Variants in WWOX observed in about 807,000 individuals in gnomAD.
WWOX encodes WW domain containing oxidoreductase.
A neutral mutation model predicts 46.2 loss-of-function variants in WWOX; 69 were observed. The observed-to-expected ratio is 1.49, with a 90% CI of 1.23 to 1.82. WWOX has a LOEUF of 1.82. WWOX is among the 40% of genes most tolerant of loss of function. The pLI is 0.00. For missense variants in WWOX, 919 were observed against 542.6 expected (o/e 1.69, Z -6.89); for synonymous variants, 359 against 202.6 (o/e 1.77, Z -6.56).
chr16:79,000,875 T>G (rs2151361701), intron 8 of WWOX, among the ~76,000 whole-genome samples: 1 of 152,200 alleles, frequency 6.6e-6, no homozygotes, highest in South Asian at 2.1e-4. Flanking sequence ...ATTGCCATGG[T>G]TTGTCATGTT....
At chr16:78,412,218 A>T (rs1478927930) in intron 6 of WWOX, among the ~76,000 whole-genome samples, 1 of 152,196 alleles carries the variant, frequency 6.6e-6, no homozygotes, top group Non-Finnish European at 1.5e-5. Flanking sequence ...TGTTTTCCTA[A>T]GTATTTGTAA....
At chr16:78,884,082 C>T (rs1271788481) in intron 8 of WWOX, among the ~76,000 whole-genome samples, 2 of 151,806 alleles carry the variant, frequency 1.3e-5, no homozygotes, top group East Asian at 1.9e-4. Context: ...AGTTCAAGAC[C>T]AGCTGGGCCA....
chr16:78,886,298 A>G (rs922994895), intron 8 of WWOX, among the ~76,000 whole-genome samples: 26 of 150,654 alleles, frequency 1.7e-4, no homozygotes, highest in African/African-American at 6.3e-4. Flanking sequence ...AAAAAAAAGC[A>G]TTTACTTTTT....
At chr16:78,761,245 C>T (rs758066692) in intron 8 of WWOX, among the ~76,000 whole-genome samples, 1 of 152,056 alleles carries the variant, frequency 6.6e-6, no homozygotes, top group Non-Finnish European at 1.5e-5. Context: ...TTGTAGTAGA[C>T]CATAAGCAAA....
intron 8 of WWOX, among the ~76,000 whole-genome samples, chr16:78,679,603 T>C (rs556511198): frequency 6.6e-6 from 1 of 152,248 alleles, no homozygotes; most frequent in African/African-American, 2.4e-5. Flanking sequence ...CAGGCTTTTC[T>C]CCCCACCTCT....
intron 8 of WWOX, among the ~76,000 whole-genome samples, chr16:78,480,902 C>A (rs138513200): frequency 6.6e-6 from 1 of 152,192 alleles, no homozygotes; most frequent in Non-Finnish European, 1.5e-5. Flanking sequence ...AAGAGACTTA[C>A]AAACATTTGT....
chr16:78,182,982 A>G (rs2035581154), intron 5 of WWOX, among the ~76,000 whole-genome samples: 1 of 151,642 alleles, frequency 6.6e-6, no homozygotes, highest in African/African-American at 2.4e-5. Flanking sequence ...GAAAGAAAGC[A>G]AAGGTTTTTT....
Position 78,432,472 on chromosome 16 carries a change from A to C in WWOX, c.792-16A>C. The C allele has an allele frequency of 6.2e-7, 1 of 1,602,898 alleles. No individual in the cohort carries two copies. Among genetic ancestry groups the C allele is most frequent in the Non-Finnish European group, 8.5e-7 (1 of 1,174,232 alleles). On this transcript the variant is annotated splice_polypyrimidine_tract_variant and intron_variant, in intron 7 of 8. Transcript: ENST00000566780. ...TCAGAACTTGGTTGCTTCATGTCAT[A>C]TTTCCTATTTTTAAGATTTACAGAT...
rs771445250 is a variant in WWOX, at chr16:78,115,171, G to A, written c.409+17G>A. ...CAGGAATAGGTAGGCTCTTCACTTA[G>A]TTATTTATCTTTGGGACTGCTATAA... On this transcript the variant is annotated intron_variant, in intron 4 of 8. Coordinates refer to ENST00000566780, the MANE Select transcript of WWOX (RefSeq NM_016373.4). The A allele has an allele frequency of 2.4e-5, 38 of 1,613,984 alleles. No individual in the cohort carries two copies. The highest frequency in any genetic ancestry group is 2.9e-5 in the Non-Finnish European group (34 of 1,179,978).
intron 8 of WWOX, among the ~76,000 whole-genome samples, chr16:79,098,254 G>T (rs146257408): frequency 6.6e-6 from 1 of 152,340 alleles, no homozygotes; most frequent in African/African-American, 2.4e-5. Context: ...CAGAGGCACA[G>T]TCACATTTGG....
At chr16:78,964,973 T>C (rs868774557) in intron 8 of WWOX, among the ~76,000 whole-genome samples, 3 of 152,188 alleles carry the variant, frequency 2.0e-5, no homozygotes, top group Non-Finnish European at 2.9e-5. Flanking sequence ...AAGTCAAGAA[T>C]TGGGGTTTGG....
At chr16:78,156,474 T>A (rs1405366009) in intron 4 of WWOX, among the ~76,000 whole-genome samples, 1 of 152,178 alleles carries the variant, frequency 6.6e-6, no homozygotes, top group Non-Finnish European at 1.5e-5. Context: ...CAGCCTGGAT[T>A]GTTTTAAAAT....
intron 8 of WWOX, among the ~76,000 whole-genome samples, chr16:78,988,336 C>G (rs898352355): frequency 6.5e-5 from 9 of 137,830 alleles, no homozygotes; most frequent in African/African-American, 2.2e-4. Context: ...AAGAGCAAAA[C>G]TCTGTCTCAA....
intron 5 of WWOX, among the ~76,000 whole-genome samples, chr16:78,286,942 T>C (rs1221834277): frequency 6.6e-6 from 1 of 152,220 alleles, no homozygotes; most frequent in African/African-American, 2.4e-5. Flanking sequence ...TCTTTTCTGT[T>C]TTTAGTTAGA....
chr16:79,125,237 A>G (rs919826896), intron 8 of WWOX, among the ~76,000 whole-genome samples: 3 of 152,148 alleles, frequency 2.0e-5, no homozygotes, highest in Non-Finnish European at 2.9e-5. Context: ...CAGGCCAAGA[A>G]TTCGATTGGC....
chr16:79,206,765 A>C (rs532562387), intron 8 of WWOX: 78 of 152,320 alleles, frequency 5.1e-4, no homozygotes, highest in African/African-American at 1.9e-3. Flanking sequence ...TAGAAGTATC[A>C]CGGTGGAAGA....
At chr16:78,973,233 G>A (rs1341919701) in intron 8 of WWOX, among the ~76,000 whole-genome samples, 1 of 152,184 alleles carries the variant, frequency 6.6e-6, no homozygotes, top group Non-Finnish European at 1.5e-5. Context: ...CGGAGCTTGT[G>A]TTGATGGAAT....
At chr16:79,157,058 T>C (rs2050395561) in intron 8 of WWOX, among the ~76,000 whole-genome samples, 1 of 152,232 alleles carries the variant, frequency 6.6e-6, no homozygotes, top group South Asian at 2.1e-4. Flanking sequence ...TTTAGACATT[T>C]TGTTTGTACT....
rs898873694 is a variant in WWOX at position 78,783,959 on chromosome 16, A to G, written c.1056+351207A>G. ...GATGCTGGTGCTGTTGGTGATGGTG[A>G]TGCTGGTGATGATGATAATGATAGT... On this transcript the variant is annotated intron_variant, in intron 8 of 8. Transcript: ENST00000566780. Among the ~76,000 whole-genome samples, 5 of 151,752 alleles carry G rather than the reference A, an allele frequency of 3.3e-5. No homozygotes were observed. The East Asian group carries it at 5.8e-4, about 18-fold the overall frequency.
Sources: gnomAD v4.1 joint callset for allele counts (sites outside exome capture counted in the v4.1 genomes callset) on GRCh38, gnomAD v4.1.1 for gene constraint, MANE v1.5 for transcripts, NCBI Gene and HGNC (gene_info 2026-07-23, HGNC 2026-07-21) for gene names.